The following TRABD2A variants were observed in gnomAD, a reference collection of about 807,000 sequenced individuals.
TRABD2A encodes TraB domain containing 2A.
A neutral mutation model predicts 45.6 loss-of-function variants in TRABD2A; 43 were observed. The observed-to-expected ratio is 0.94, with a 90% CI of 0.74 to 1.22. The LOEUF (loss-of-function observed/expected upper bound fraction) is 1.22, where lower values mean the gene tolerates loss of function less well. TRABD2A is among the 50% of genes most tolerant of loss of function. The pLI, the probability that TRABD2A is intolerant of heterozygous loss-of-function variation, is 0.00. For synonymous variants in TRABD2A, 269 were observed against 265.0 expected (o/e 1.02, Z -0.15); for missense variants, 642 against 652.4 (o/e 0.98, Z 0.17).
At chr2:84,855,470 A>C (rs552148802) in intron 2 of TRABD2A, among the ~76,000 whole-genome samples, 3 of 152,258 alleles carry the variant, frequency 2.0e-5, no homozygotes, top group East Asian at 3.9e-4. Context: ...GTCTAACCAT[A>C]ATCATGGCTT....
chr2:84,835,417 C>CT (rs551084778), intron 4 of TRABD2A: 8,699 of 144,192 alleles, frequency 0.06, 424 homozygotes, highest in African/African-American at 0.13. Flanking sequence ...CAGTGAGAGC[C>CT]TTTTTTTTTT....
chr2:84,849,391 T>C (rs1682008438), intron 2 of TRABD2A: 1 of 152,276 alleles, frequency 6.6e-6, no homozygotes, highest in Admixed American at 6.5e-5. Flanking sequence ...CACCACTTCA[T>C]TGTTGACATA....
chr2:84,821,827 G>A lies in TRABD2A; in HGVS notation c.*90C>T. 7.5e-7 allele frequency: 1 copy of A among 1,335,722 alleles called. No homozygotes were observed. Among genetic ancestry groups the A allele is most frequent in the East Asian group, 2.7e-5 (1 of 36,512 alleles). The allele number at this position is 1,335,722 out of a possible 1,614,324, so 82.7% of individuals were successfully genotyped here. On this transcript the variant is annotated 3_prime_UTR_variant, in exon 7 of 7. Coordinates refer to ENST00000409520, the MANE Select transcript of TRABD2A (RefSeq NM_001277053.2). ...TCAAGAGCAGTCTCTTCTGGATTGG[G>A]CCCAACAAGGCTAGACCAGAATGTG... is the stretch of plus-strand genomic sequence containing the variant.
intron 2 of TRABD2A, among the ~76,000 whole-genome samples, chr2:84,852,294 C>T (rs1682123387): frequency 1.3e-5 from 2 of 152,142 alleles, no homozygotes; most frequent in South Asian, 4.1e-4. Context: ...AGTCTGCAGA[C>T]CCAGGACAGA....
At position 84,841,848 on chromosome 2, in the gene TRABD2A, A is replaced by G. The variant is rs1228577012; in HGVS notation, c.816+13T>C. The G allele has an allele frequency of 1.3e-6, 2 of 1,507,850 alleles. No individual in the cohort carries two copies. The highest frequency in any genetic ancestry group is 2.5e-5 in the East Asian group (1 of 40,420). 93.4% of individuals were successfully genotyped at this position (1,507,850 alleles called of 1,614,324 possible). ...AATGTGTGCTGAGCTTGGCAGGGGG[A>G]AAGGGTGCTCACCTGGGAGCTGTCA... On this transcript the variant is annotated intron_variant, in intron 3 of 6. Coordinates refer to ENST00000409520, the MANE Select transcript of TRABD2A (RefSeq NM_001277053.2).
chr2:84,878,583 T>A (rs1284811864), intron 1 of TRABD2A, among the ~76,000 whole-genome samples: 2 of 151,280 alleles, frequency 1.3e-5, no homozygotes, highest in Non-Finnish European at 2.9e-5. Context: ...AGAGTTCTGT[T>A]TGACAAGAAA....
At chr2:84,859,064 G>A (rs185770872) in intron 2 of TRABD2A, among the ~76,000 whole-genome samples, 248 of 152,304 alleles carry the variant, frequency 1.6e-3, no homozygotes, top group African/African-American at 5.1e-3. Context: ...GCCACACACC[G>A]ACTACTGCCC....
Position 84,849,751 on chromosome 2 carries a change from G to A in TRABD2A, c.670-7744C>T, listed in dbSNP as rs144851279. On this transcript the variant is annotated intron_variant, in intron 2 of 6. Coordinates refer to ENST00000409520, the MANE Select transcript of TRABD2A (RefSeq NM_001277053.2). The stretch of plus-strand genomic sequence containing the variant: ...TGCAAATAAAAAAATGCCTTAGAGA[G>A]GTGCTGGTCTTGCTGCACTGCAATC... Among the ~76,000 whole-genome samples, 43 of 152,328 alleles carry A rather than the reference G, an allele frequency of 2.8e-4. 1 individual carries two copies. The East Asian group carries it at 7.7e-3, about 27-fold the overall frequency.
At chr2:84,877,883 C>T (rs1005925308) in intron 1 of TRABD2A, among the ~76,000 whole-genome samples, 1 of 152,174 alleles carries the variant, frequency 6.6e-6, no homozygotes, top group African/African-American at 2.4e-5. Context: ...TTACATTATC[C>T]TTTTCATTCA....
At chr2:84,862,226 G>A (rs930871133) in intron 2 of TRABD2A, among the ~76,000 whole-genome samples, 1 of 152,232 alleles carries the variant, frequency 6.6e-6, no homozygotes, top group Non-Finnish European at 1.5e-5. Flanking sequence ...CCCAAGTGGG[G>A]TAGACTCTGC....
intron 2 of TRABD2A, among the ~76,000 whole-genome samples, chr2:84,857,786 G>A (rs1251849803): frequency 6.6e-6 from 1 of 152,168 alleles, no homozygotes; most frequent in Non-Finnish European, 1.5e-5. Flanking sequence ...CCACTGCCAG[G>A]TAGATGGGTG....
chr2:84,849,215 C>T (rs1056354771), intron 2 of TRABD2A, among the ~76,000 whole-genome samples: 5 of 152,086 alleles, frequency 3.3e-5, no homozygotes, highest in Non-Finnish European at 5.9e-5. Flanking sequence ...AGGAGAAACC[C>T]AAGCAGAATT....
chr2:84,826,461 A>G (rs1411936233), intron 5 of TRABD2A, among the ~76,000 whole-genome samples: 3 of 152,176 alleles, frequency 2.0e-5, no homozygotes, highest in Non-Finnish European at 4.4e-5. Context: ...CCTACTTTAC[A>G]ATTAAGGAAA....
chr2:84,845,331 A>G (rs1000448678), intron 2 of TRABD2A, among the ~76,000 whole-genome samples: 7 of 152,364 alleles, frequency 4.6e-5, no homozygotes, highest in Admixed American at 2.0e-4. Context: ...CAGCCTGGGC[A>G]ACAGAGCAAG....
At chr2:84,873,959 A>T (rs1402258436) in intron 1 of TRABD2A, among the ~76,000 whole-genome samples, 3 of 152,138 alleles carry the variant, frequency 2.0e-5, no homozygotes, top group Non-Finnish European at 4.4e-5. Flanking sequence ...CACCTGATTC[A>T]TTGTCATCTA....
chr2:84,876,030 T>G (rs1280554511), intron 1 of TRABD2A, among the ~76,000 whole-genome samples: 1 of 151,316 alleles, frequency 6.6e-6, no homozygotes, highest in Non-Finnish European at 1.5e-5. Flanking sequence ...AAAACAGGAC[T>G]TCCTGATGAA....
chr2:84,864,253 A>G (rs948950303), intron 2 of TRABD2A, among the ~76,000 whole-genome samples: 1 of 152,186 alleles, frequency 6.6e-6, no homozygotes. Flanking sequence ...TGGACCACAC[A>G]AGGGATTGAG....
At chr2:84,834,411 A>G (rs1014208162) in intron 4 of TRABD2A, 2 of 152,258 alleles carry the variant, frequency 1.3e-5, no homozygotes, top group Admixed American at 6.5e-5. Context: ...TTATATTTCT[A>G]TAACAGTTTT....
At chr2:84,832,247 C>T in intron 4 of TRABD2A, 102 bp from the exon 5 acceptor site, 1 of 1,193,292 alleles carries the variant, frequency 8.4e-7, no homozygotes, top group Non-Finnish European at 1.2e-6. Flanking sequence ...TGCCAAGCCC[C>T]CTGCCTATCT....
Sources: gnomAD v4.1 joint callset for allele counts (sites outside exome capture counted in the v4.1 genomes callset) on GRCh38, gnomAD v4.1.1 for gene constraint, MANE v1.5 for transcripts, NCBI Gene and HGNC (gene_info 2026-07-23, HGNC 2026-07-21) for gene names.